The following DGKI variants were observed in gnomAD, a reference collection of about 807,000 sequenced individuals.
The protein encoded by DGKI is DAG kinase iota.
A neutral mutation model predicts 147.5 loss-of-function variants in DGKI; 55 were observed. That is an observed-to-expected ratio of 0.37 (90% CI 0.30 to 0.47). The LOEUF (loss-of-function observed/expected upper bound fraction) is 0.47, where lower values mean the gene tolerates loss of function less well. Ranked by LOEUF, DGKI falls within the 20% of genes least tolerant of loss-of-function variation. The pLI, the probability that DGKI is intolerant of heterozygous loss-of-function variation, is 1.00. For missense variants in DGKI, 1,007 were observed against 1,323.8 expected (o/e 0.76, Z 3.71); for synonymous variants, 469 against 477.1 (o/e 0.98, Z 0.22).
intron 1 of DGKI, among the ~76,000 whole-genome samples, chr7:137,823,506 C>T (rs142284530): frequency 6.6e-6 from 1 of 152,204 alleles, no homozygotes; most frequent in Non-Finnish European, 1.5e-5. Flanking sequence ...TCAACTTGGT[C>T]ATCTAAAAAT....
chr7:137,831,779 C>T (rs1195955997), intron 1 of DGKI, among the ~76,000 whole-genome samples: 1 of 152,236 alleles, frequency 6.6e-6, no homozygotes, highest in Non-Finnish European at 1.5e-5. Flanking sequence ...CAAAAGTCCA[C>T]AGTCCAAAGT....
chr7:137,383,770 A>C lies in DGKI; in HGVS notation c.*7450T>G, dbSNP rs948959385. The C allele has an allele frequency of 6.6e-6, 1 of 151,956 alleles. No homozygotes were observed. Among genetic ancestry groups the C allele is most frequent in the Non-Finnish European group, 1.5e-5 (1 of 67,918 alleles). The allele number at this position is 151,956 out of a possible 1,614,324, so 9.4% of individuals were successfully genotyped here. A position where few individuals can be genotyped will look rare whatever the true frequency, so the allele number is the denominator to read the frequency against. The stretch of plus-strand genomic sequence containing the variant: ...TTTTCTTTCCTTATTTTATTCTACA[A>C]ATCATCTTCCCTGCAGAATTTGAAA... On this transcript the variant is annotated 3_prime_UTR_variant, in exon 33 of 33. Transcript: ENST00000614521.
chr7:137,410,298 G>C (rs999236832), intron 29 of DGKI, among the ~76,000 whole-genome samples: 1 of 152,162 alleles, frequency 6.6e-6, no homozygotes, highest in African/African-American at 2.4e-5. Flanking sequence ...CCAGCTACTA[G>C]GGAGGCTAAG....
chr7:137,767,410 T>C (rs1796043783), intron 1 of DGKI, among the ~76,000 whole-genome samples: 1 of 150,058 alleles, frequency 6.7e-6, no homozygotes, highest in South Asian at 2.1e-4. Flanking sequence ...GTAAGAAAAT[T>C]AGAGGATAAA....
At chr7:137,446,898 T>C (rs1813739022) in intron 27 of DGKI, among the ~76,000 whole-genome samples, 1 of 152,222 alleles carries the variant, frequency 6.6e-6, no homozygotes, top group African/African-American at 2.4e-5. Flanking sequence ...GCCCTCTGGT[T>C]ATTCTTTTCA....
intron 29 of DGKI, among the ~76,000 whole-genome samples, chr7:137,411,581 G>A (rs1013220451): frequency 6.6e-6 from 1 of 152,192 alleles, no homozygotes; most frequent in African/African-American, 2.4e-5. Context: ...CACAGACAGT[G>A]AATGGTAGAG....
intron 27 of DGKI, among the ~76,000 whole-genome samples, chr7:137,449,122 A>G (rs1161183037): frequency 6.6e-6 from 1 of 152,226 alleles, no homozygotes; most frequent in African/African-American, 2.4e-5. Context: ...CATTCTTCAC[A>G]GATTAGTAGA....
chr7:137,835,232 T>A (rs890919688), intron 1 of DGKI, among the ~76,000 whole-genome samples: 1 of 152,214 alleles, frequency 6.6e-6, no homozygotes, highest in Non-Finnish European at 1.5e-5. Flanking sequence ...TACCTGTTTG[T>A]TAGCAGTATT....
chr7:137,668,306 C>G, intron 3 of DGKI, among the ~76,000 whole-genome samples: 1 of 152,230 alleles, frequency 6.6e-6, no homozygotes, highest in African/African-American at 2.4e-5. Context: ...ATAAAATGCA[C>G]TGCAAAAGGC....
intron 19 of DGKI, among the ~76,000 whole-genome samples, chr7:137,553,223 T>C (rs1818112343): frequency 6.6e-6 from 1 of 152,224 alleles, no homozygotes; most frequent in Non-Finnish European, 1.5e-5. Flanking sequence ...AAAACCAATA[T>C]GAAGAATATA....
intron 27 of DGKI, among the ~76,000 whole-genome samples, chr7:137,457,518 T>A (rs1814251045): frequency 1.3e-5 from 2 of 152,194 alleles, no homozygotes; most frequent in African/African-American, 4.8e-5. Flanking sequence ...GTTTCTCCCA[T>A]AATCAGCTTA....
chr7:137,700,067 C>A (rs1823923724), intron 1 of DGKI, among the ~76,000 whole-genome samples: 1 of 152,126 alleles, frequency 6.6e-6, no homozygotes, highest in African/African-American at 2.4e-5. Context: ...AGGCAAAGAC[C>A]TAACTACCTA....
At chr7:137,782,272 G>A (rs758637469) in intron 1 of DGKI, among the ~76,000 whole-genome samples, 4 of 152,032 alleles carry the variant, frequency 2.6e-5, no homozygotes, top group Admixed American at 6.6e-5. Flanking sequence ...GAGTGAGACC[G>A]GCCATTAGGA....
intron 20 of DGKI, among the ~76,000 whole-genome samples, chr7:137,536,012 C>T (rs1478723337): frequency 1.3e-5 from 2 of 152,274 alleles, no homozygotes; most frequent in Non-Finnish European, 2.9e-5. Flanking sequence ...AAACCTATGA[C>T]ACCAAAGATT....
intron 1 of DGKI, among the ~76,000 whole-genome samples, chr7:137,742,293 G>GA (rs1425519057): frequency 1.3e-5 from 2 of 151,958 alleles, no homozygotes; most frequent in African/African-American, 2.4e-5. Context: ...GCAGTGGTTG[G>GA]TGCGCTGTTA....
chr7:137,798,428 T>A (rs1484634883), intron 1 of DGKI, among the ~76,000 whole-genome samples: 1 of 152,176 alleles, frequency 6.6e-6, no homozygotes, highest in Non-Finnish European at 1.5e-5. Flanking sequence ...TTTATTTTTA[T>A]TTTTTATTTT....
chr7:137,839,320 G>A (rs988143449), intron 1 of DGKI, among the ~76,000 whole-genome samples: 3 of 152,198 alleles, frequency 2.0e-5, no homozygotes, highest in African/African-American at 4.8e-5. Context: ...AAACCTGTCA[G>A]TTAAATTTCT....
At chr7:137,456,912 G>A (rs956719060) in intron 27 of DGKI, among the ~76,000 whole-genome samples, 8 of 152,130 alleles carry the variant, frequency 5.3e-5, no homozygotes, top group African/African-American at 1.9e-4. Context: ...GAGTGGTTTA[G>A]GGCCTCCATA....
At chr7:137,621,870 C>T (rs1414157823) in intron 7 of DGKI, among the ~76,000 whole-genome samples, 1 of 152,200 alleles carries the variant, frequency 6.6e-6, no homozygotes, top group Non-Finnish European at 1.5e-5. Flanking sequence ...GATCTGAGCA[C>T]ACCGCTGCCC....
Sources: allele counts gnomAD v4.1 joint callset (sites outside exome capture counted in the v4.1 genomes callset), GRCh38; gene constraint gnomAD v4.1.1; transcripts MANE v1.5; gene names NCBI Gene and HGNC (gene_info 2026-07-23, HGNC 2026-07-21).